ZNF407: variants seen among roughly 807,000 people sequenced by gnomAD.
ZNF407 encodes zinc finger protein 407.
In ZNF407, 17 loss-of-function variants were observed where a neutral mutation model predicts 131.2. That is an observed-to-expected ratio of 0.13 (90% CI 0.09 to 0.19). The LOEUF (loss-of-function observed/expected upper bound fraction) is 0.19. Among genes scored for constraint, ZNF407 ranks in the 10% least tolerant of loss-of-function variants. ZNF407 has a pLI of 1.00. For missense variants in ZNF407, 2,681 were observed against 2,830.6 expected (o/e 0.95, Z 1.20); for synonymous variants, 1,156 against 1,062.0 (o/e 1.09, Z -1.72).
intron 3 of ZNF407, among the ~76,000 whole-genome samples, chr18:74,656,914 C>T (rs943763960): frequency 6.6e-6 from 1 of 152,064 alleles, no homozygotes; most frequent in Non-Finnish European, 1.5e-5. Context: ...TGAATAAATG[C>T]CATTGTTGTT....
intron 3 of ZNF407, among the ~76,000 whole-genome samples, chr18:74,715,110 C>T (rs1967863887): frequency 6.6e-6 from 1 of 152,154 alleles, no homozygotes; most frequent in Non-Finnish European, 1.5e-5. Flanking sequence ...CGTCCCGCTG[C>T]CTTACTTTCT....
At chr18:74,650,168 A>G (rs1985160577) in intron 3 of ZNF407, among the ~76,000 whole-genome samples, 1 of 152,220 alleles carries the variant, frequency 6.6e-6, no homozygotes, top group Non-Finnish European at 1.5e-5. Context: ...TGTCTTTGTC[A>G]TAGTCTGTTT....
intron 8 of ZNF407, among the ~76,000 whole-genome samples, chr18:75,049,041 C>T (rs911814689): frequency 1.6e-5 from 2 of 127,490 alleles, no homozygotes; most frequent in African/African-American, 6.0e-5. Context: ...GTGGTGAGTG[C>T]TCATGGCCAC....
intron 3 of ZNF407, among the ~76,000 whole-genome samples, chr18:74,643,155 G>A (rs190692710): frequency 1.5e-4 from 23 of 152,072 alleles, no homozygotes; most frequent in African/African-American, 5.5e-4. Flanking sequence ...ATAAAAAAGT[G>A]CAAGGATTGG....
At chr18:75,029,582 C>T (rs117620252) in intron 8 of ZNF407, among the ~76,000 whole-genome samples, 7 of 142,990 alleles carry the variant, frequency 4.9e-5, no homozygotes, top group Non-Finnish European at 9.2e-5. Context: ...TGTGTGCGTG[C>T]GTGTGTGTGC....
chr18:75,012,989 G>A (rs555059344), intron 8 of ZNF407, among the ~76,000 whole-genome samples: 7 of 148,866 alleles, frequency 4.7e-5, no homozygotes, highest in South Asian at 4.3e-4. Context: ...GGCACATAAC[G>A]TGTGTCACTA....
chr18:74,884,565 A>C (rs777523974), intron 6 of ZNF407, among the ~76,000 whole-genome samples: 29 of 152,172 alleles, frequency 1.9e-4, no homozygotes, highest in Non-Finnish European at 3.7e-4. Context: ...TCCTGTATGT[A>C]ATTCAAACTT....
At chr18:74,963,152 CT>C (rs36225166) in intron 8 of ZNF407, among the ~76,000 whole-genome samples, 634 of 138,462 alleles carry the variant, frequency 4.6e-3, no homozygotes, top group African/African-American at 9.3e-3. Context: ...ACCTTCATTC[CT>C]TTTTTTTTTT....
At chr18:74,740,839 C>CCACT (rs777686492) in intron 3 of ZNF407, among the ~76,000 whole-genome samples, 1 of 152,156 alleles carries the variant, frequency 6.6e-6, no homozygotes, top group African/African-American at 2.4e-5. Flanking sequence ...GAACCCCCTC[C>CCACT]CACTGGTCCT....
intron 6 of ZNF407, among the ~76,000 whole-genome samples, chr18:74,885,678 T>C (rs1971299466): frequency 6.6e-6 from 1 of 152,200 alleles, no homozygotes; most frequent in Non-Finnish European, 1.5e-5. Flanking sequence ...AGACGTGTAC[T>C]ACATGGGGAA....
intron 7 of ZNF407, among the ~76,000 whole-genome samples, chr18:74,891,779 A>G (rs1971388540): frequency 6.6e-6 from 1 of 152,208 alleles, no homozygotes; most frequent in South Asian, 2.1e-4. Context: ...CAGAAAAGCC[A>G]TTAGAAAATT....
In ZNF407 at chr18:74,775,159, ATTAT is replaced by A. The variant is rs527974067; in HGVS notation, c.4803-6264_4803-6261del. Among the ~76,000 whole-genome samples, 179 of 152,318 alleles carry A rather than the reference ATTAT, an allele frequency of 1.2e-3. No homozygotes were observed. The Middle Eastern group carries it at 0.014, about 12-fold the overall frequency. Reference sequence around the variant, plus strand: ...TTGTTTATCAAAACTTTGTAAAATAATTATTTATCCTTTCTGTCTGCTAGGATTG... The same window carrying A: ...TTGTTTATCAAAACTTTGTAAAATAATTATCCTTTCTGTCTGCTAGGATTG... On this transcript the variant is annotated intron_variant, in intron 3 of 8. Coordinates refer to ENST00000299687, the MANE Select transcript of ZNF407 (RefSeq NM_017757.3).
chr18:74,819,710 C>T (rs1270131760), intron 4 of ZNF407, among the ~76,000 whole-genome samples: 2 of 152,180 alleles, frequency 1.3e-5, no homozygotes, highest in African/African-American at 2.4e-5. Flanking sequence ...AGTGGATCAC[C>T]GAAACGTGTA....
chr18:75,063,810 A>G lies in ZNF407; in HGVS notation c.6089A>G (p.His2030Arg). ...CAGCTGCCCGGGCAGGAGGTCTCCC[A>G]TGTGGCTGCCGACCCCGAGGCCCCC... ...LIQLPGQEVS[H>R]VAADPEAPEI... The change falls in exon 9 of 9, where the codon CAT becomes CGT. Residue 2030 changes from histidine to arginine, a missense_variant. Coordinates refer to ENST00000299687, the MANE Select transcript of ZNF407 (RefSeq NM_017757.3). This position sits in a 1 kb window ranked among gnomAD's most constrained non-coding sequence, Gnocchi z 6.6. The G allele has an allele frequency of 1.9e-6, 3 of 1,607,948 alleles. No homozygotes were observed. Among genetic ancestry groups the G allele is most frequent in the Non-Finnish European group, 2.5e-6 (3 of 1,179,374 alleles).
chr18:75,038,363 C>T (rs1334765959), intron 8 of ZNF407, among the ~76,000 whole-genome samples: 5 of 152,118 alleles, frequency 3.3e-5, no homozygotes, highest in East Asian at 1.9e-4. Context: ...GTGAATACAG[C>T]GATTTCTGGC....
intron 4 of ZNF407, among the ~76,000 whole-genome samples, chr18:74,868,220 G>A (rs1335320349): frequency 6.6e-6 from 1 of 152,188 alleles, no homozygotes; most frequent in Non-Finnish European, 1.5e-5. Flanking sequence ...CATTGCTATA[G>A]CTAACATGCT....
chr18:74,607,233 G>A (rs1316421709), intron 1 of ZNF407, among the ~76,000 whole-genome samples: 1 of 152,160 alleles, frequency 6.6e-6, no homozygotes, highest in Non-Finnish European at 1.5e-5. Context: ...GCAGGCCAGG[G>A]CTGGGGCTCA....
chr18:74,659,881 A>G (rs1330148232), intron 3 of ZNF407, among the ~76,000 whole-genome samples: 1 of 152,200 alleles, frequency 6.6e-6, no homozygotes, highest in Non-Finnish European at 1.5e-5. Context: ...TTGGTAGTAT[A>G]CAGAAAATGA....
intron 8 of ZNF407, among the ~76,000 whole-genome samples, chr18:74,966,035 T>C (rs1292043905): frequency 6.6e-6 from 1 of 152,244 alleles, no homozygotes; most frequent in African/African-American, 2.4e-5. Flanking sequence ...TAAGAGTTGT[T>C]TGAGCTTCTC....
Sources: gnomAD v4.1 joint callset for allele counts (sites outside exome capture counted in the v4.1 genomes callset) on GRCh38, gnomAD v4.1.1 for gene constraint, Gnocchi (gnomAD v3.1) non-coding constraint, MANE v1.5 for transcripts, NCBI Gene and HGNC (gene_info 2026-07-23, HGNC 2026-07-21) for gene names.